GPC6: variants seen among roughly 807,000 people sequenced by gnomAD.
The protein encoded by GPC6 is glypican-6.
A neutral mutation model predicts 55.2 loss-of-function variants in GPC6; 14 were observed. The observed-to-expected ratio is 0.25, with a 90% CI of 0.17 to 0.40. The LOEUF is 0.40. Ranked by LOEUF, GPC6 falls within the 10% of genes least tolerant of loss-of-function variation. GPC6 has a pLI of 1.00. For missense variants in GPC6, 641 were observed against 708.5 expected, an observed-to-expected ratio of 0.90 and a Z score of 1.08; for synonymous variants, 278 against 259.6, an observed-to-expected ratio of 1.07 and a Z score of -0.68.
chr13:93,802,410 T>C (rs1269866772), intron 2 of GPC6, among the ~76,000 whole-genome samples: 1 of 152,122 alleles, frequency 6.6e-6, no homozygotes, highest in Admixed American at 6.6e-5. Context: ...AGTACTTTTT[T>C]TTTTTTTAAG....
intron 2 of GPC6, among the ~76,000 whole-genome samples, chr13:93,552,909 G>C (rs1875235559): frequency 6.6e-6 from 1 of 152,178 alleles, no homozygotes; most frequent in Non-Finnish European, 1.5e-5. Flanking sequence ...AAATTGATCT[G>C]CTACTAAGTA....
At chr13:93,736,835 C>G (rs1186151985) in intron 2 of GPC6, among the ~76,000 whole-genome samples, 3 of 152,086 alleles carry the variant, frequency 2.0e-5, no homozygotes, top group Non-Finnish European at 4.4e-5. Context: ...ATGACATTCA[C>G]AAAATACACT....
chr13:93,854,311 A>C (rs2139016906), intron 3 of GPC6, among the ~76,000 whole-genome samples: 1 of 151,814 alleles, frequency 6.6e-6, no homozygotes, highest in East Asian at 1.9e-4. Flanking sequence ...TATTGATCCA[A>C]GCTACCTTAT....
intron 1 of GPC6, among the ~76,000 whole-genome samples, chr13:93,420,541 G>T (rs954948209): frequency 6.6e-6 from 1 of 152,140 alleles, no homozygotes; most frequent in Non-Finnish European, 1.5e-5. Context: ...GATTTTGCTG[G>T]ACCTTGAAGA....
chr13:93,928,540 G>A (rs986844560), intron 3 of GPC6, among the ~76,000 whole-genome samples: 3 of 152,064 alleles, frequency 2.0e-5, no homozygotes, highest in African/African-American at 7.2e-5. Flanking sequence ...AACACTCTTA[G>A]CCACAGAAGT....
chr13:93,778,702 C>T (rs146142251), intron 2 of GPC6, among the ~76,000 whole-genome samples: 1 of 152,280 alleles, frequency 6.6e-6, no homozygotes, highest in Non-Finnish European at 1.5e-5. Context: ...ATTTAGCTAA[C>T]TCTCCACCCT....
Position 93,600,842 on chromosome 13 carries a change from C to T in GPC6, c.319+55421C>T, listed in dbSNP as rs1299517190. ...CTGGGCGCCTGTAATCCCAGCTACT[C>T]GGGAGGCTGAGGCAGGAGAATTGCT... On this transcript the variant is annotated intron_variant, in intron 2 of 8. Coordinates refer to ENST00000377047, the MANE Select transcript of GPC6 (RefSeq NM_005708.5). 6.9e-5 allele frequency among the ~76,000 whole-genome samples: 10 copies of T among 145,944 alleles called. No individual in the cohort carries two copies. The East Asian group carries it at 8.5e-4, about 12-fold the overall frequency.
At chr13:93,636,931 T>G (rs867431866) in intron 2 of GPC6, among the ~76,000 whole-genome samples, 1,601 of 152,084 alleles carry the variant, frequency 0.011, 28 homozygotes, top group African/African-American at 0.037. Flanking sequence ...GGTATAGTTT[T>G]TTTTTTTTTT....
chr13:94,056,480 A>G (rs1473436131), intron 4 of GPC6, among the ~76,000 whole-genome samples: 1 of 152,192 alleles, frequency 6.6e-6, no homozygotes, highest in Non-Finnish European at 1.5e-5. Flanking sequence ...AGGAATGATC[A>G]TCTTCCTCTT....
chr13:93,427,954 T>G (rs1877211308), intron 1 of GPC6, among the ~76,000 whole-genome samples: 1 of 152,160 alleles, frequency 6.6e-6, no homozygotes, highest in Non-Finnish European at 1.5e-5. Context: ...TTTAGACACA[T>G]GCAATGAATT....
At chr13:93,252,024 A>T (rs1305763009) in intron 1 of GPC6, among the ~76,000 whole-genome samples, 1 of 152,098 alleles carries the variant, frequency 6.6e-6, no homozygotes, top group Non-Finnish European at 1.5e-5. Context: ...TGCTTTGATT[A>T]TTTCGATTTG....
At chr13:93,876,300 T>A (rs1889294421) in intron 3 of GPC6, among the ~76,000 whole-genome samples, 1 of 151,974 alleles carries the variant, frequency 6.6e-6, no homozygotes, top group Non-Finnish European at 1.5e-5. Context: ...ATAAACTTGA[T>A]ATCTGAACTT....
rs121908440 is a variant in GPC6, at chr13:93,830,534, C to T, written c.700C>T (p.Arg234Ter). ...GACTGTGGGCAGAGAAGTTGCAAACCGAGTTTCCAAGGTAATTGAAAACGT... is the reference window on the plus strand; with the variant it reads ...GACTGTGGGCAGAGAAGTTGCAAACTGAGTTTCCAAGGTAATTGAAAACGT... ...GLTVGREVANRVSKVSPTPGC... is the reference protein window; with the variant it reads ...GLTVGREVAN The change falls in exon 3 of 9, where the codon CGA (arginine) becomes TGA (stop). Residue 234 changes from arginine to a stop codon, truncating the protein, a stop_gained. Transcript: ENST00000377047. LOFTEE classifies it high-confidence loss of function. 6.2e-7 allele frequency: 1 copy of T among 1,610,142 alleles called. No homozygotes were observed. The highest frequency in any genetic ancestry group is 8.5e-7 in the Non-Finnish European group (1 of 1,179,202).
At chr13:93,940,619 A>G (rs900908987) in intron 3 of GPC6, among the ~76,000 whole-genome samples, 1 of 152,194 alleles carries the variant, frequency 6.6e-6, no homozygotes, top group African/African-American at 2.4e-5. Flanking sequence ...CACCAAACAA[A>G]TGGAATGTGT....
intron 6 of GPC6, among the ~76,000 whole-genome samples, chr13:94,378,619 A>C (rs1880011831): frequency 2.6e-5 from 4 of 152,230 alleles, no homozygotes; most frequent in African/African-American, 9.6e-5. Context: ...AATCAGAATC[A>C]GCTCCAGATA....
At chr13:93,360,860 C>T (rs544374489) in intron 1 of GPC6, among the ~76,000 whole-genome samples, 3 of 152,256 alleles carry the variant, frequency 2.0e-5, no homozygotes, top group Non-Finnish European at 4.4e-5. Context: ...TGCAGGCAGA[C>T]TTAGAGGCTT....
At chr13:94,330,251 C>T (rs997129159) in intron 6 of GPC6, among the ~76,000 whole-genome samples, 1 of 142,770 alleles carries the variant, frequency 7.0e-6, no homozygotes, top group Non-Finnish European at 1.5e-5. Flanking sequence ...TTCAAAGATC[C>T]TGGGGCCAGC....
chr13:94,336,045 G>A (rs1389364485), intron 6 of GPC6, among the ~76,000 whole-genome samples: 1 of 152,042 alleles, frequency 6.6e-6, no homozygotes, highest in African/African-American at 2.4e-5. Context: ...AGATTGGAGA[G>A]TCATTTTTGT....
chr13:93,798,302 G>A (rs528348047), intron 2 of GPC6, among the ~76,000 whole-genome samples: 106 of 152,260 alleles, frequency 7.0e-4, no homozygotes, highest in Middle Eastern at 3.4e-3. Flanking sequence ...TGTGAACCAA[G>A]TTACTTGACT....
Sources: allele counts gnomAD v4.1 joint callset (sites outside exome capture counted in the v4.1 genomes callset), GRCh38; gene constraint gnomAD v4.1.1; transcripts MANE v1.5; gene names NCBI Gene and HGNC (gene_info 2026-07-23, HGNC 2026-07-21).